MEI1: variants seen among roughly 807,000 people sequenced by gnomAD.
The protein encoded by MEI1 is meiotic double-stranded break formation protein 1, also known as meiosis inhibitor protein 1.
Under a neutral mutation model 146.2 loss-of-function variants are expected in MEI1, and 103 were observed. The observed-to-expected ratio is 0.70, with a 90% CI of 0.60 to 0.83. The LOEUF is 0.83. MEI1 is among the 40% of genes least tolerant of loss of function. The pLI is 0.00. For missense variants in MEI1, 1,529 were observed against 1,533.0 expected (o/e 1.00, Z 0.04); for synonymous variants, 652 against 628.2 (o/e 1.04, Z -0.57).
At position 41,745,074 on chromosome 22, in the gene MEI1, C is replaced by A; in HGVS notation, c.1538+10C>A. On this transcript the variant is annotated intron_variant, in intron 13 of 30. Coordinates refer to ENST00000401548, the MANE Select transcript of MEI1 (RefSeq NM_152513.4). ...TTAGAAGTGCCTGCAGGTGAGGGGC[C>A]CTCTGAGGTATGAAGTAATAGCATG... 6.6e-7 allele frequency: 1 copy of A among 1,520,768 alleles called. No individual in the cohort carries two copies. Among genetic ancestry groups the A allele is most frequent in the Non-Finnish European group, 8.8e-7 (1 of 1,130,210 alleles). 94.2% of individuals were successfully genotyped at this position (1,520,768 alleles called of 1,614,324 possible).
chr22:41,726,437 AAAC>A (rs1351093297), intron 7 of MEI1, among the ~76,000 whole-genome samples: 4 of 152,216 alleles, frequency 2.6e-5, no homozygotes, highest in East Asian at 1.9e-4. Flanking sequence ...ATATGTACTT[AAAC>A]AACAACAGGG....
chr22:41,725,882 G>A lies in MEI1; in HGVS notation c.864+1809G>A, dbSNP rs143518365. On this transcript the variant is annotated intron_variant, in intron 7 of 30. Transcript: ENST00000401548. Reference sequence around the variant, plus strand: ...GGCATCTTTCCCCAGTGCTCGGCACGGGGGCTGGCAGAGCTGCAAACCCTG... The same window carrying A: ...GGCATCTTTCCCCAGTGCTCGGCACAGGGGCTGGCAGAGCTGCAAACCCTG... Among the ~76,000 whole-genome samples the A allele has an allele frequency of 8.0e-4, 122 of 152,304 alleles. 1 individual carries two copies. Among genetic ancestry groups the A allele is most frequent in the African/African-American group, 2.9e-3 (119 of 41,572 alleles).
At chr22:41,737,085 C>T (rs2072439087) in intron 11 of MEI1, among the ~76,000 whole-genome samples, 2 of 152,276 alleles carry the variant, frequency 1.3e-5, no homozygotes, top group South Asian at 4.1e-4. Flanking sequence ...TTATTCCTGC[C>T]ACTAATTATT....
chr22:41,798,244 C>T (rs1200066091), intron 30 of MEI1, among the ~76,000 whole-genome samples: 2 of 151,834 alleles, frequency 1.3e-5, no homozygotes, highest in African/African-American at 4.8e-5. Context: ...CACACACACA[C>T]ACAATGTGTG....
At chr22:41,732,393 G>A in intron 10 of MEI1, 49 bp downstream of exon 10, 1 of 1,613,534 alleles carries the variant, frequency 6.2e-7, no homozygotes, top group East Asian at 2.2e-5. Flanking sequence ...GACTGCAGAA[G>A]GAAAAGTGGG....
intron 19 of MEI1, among the ~76,000 whole-genome samples, chr22:41,765,068 C>A (rs948656149): frequency 2.0e-5 from 3 of 152,114 alleles, no homozygotes; most frequent in Non-Finnish European, 4.4e-5. Flanking sequence ...GCAATGGCGC[C>A]ATCTTGGCTC....
At chr22:41,736,513 A>G (rs2147657011) in intron 11 of MEI1, among the ~76,000 whole-genome samples, 1 of 152,178 alleles carries the variant, frequency 6.6e-6, no homozygotes, top group South Asian at 2.1e-4. Flanking sequence ...TCTGCCTCTC[A>G]AAGGGCTGGG....
At chr22:41,765,049 G>C (rs2074751594) in intron 19 of MEI1, among the ~76,000 whole-genome samples, 1 of 152,144 alleles carries the variant, frequency 6.6e-6, no homozygotes, top group Admixed American at 6.5e-5. Flanking sequence ...TTGTTTCCCA[G>C]GCTGGAGTGC....
chr22:41,758,940 C>T (rs1012832104), intron 18 of MEI1, among the ~76,000 whole-genome samples: 8 of 151,606 alleles, frequency 5.3e-5, no homozygotes, highest in Non-Finnish European at 8.8e-5. Context: ...GTCAGGAGTT[C>T]GAGACCAGCC....
intron 9 of MEI1, among the ~76,000 whole-genome samples, chr22:41,731,402 G>T (rs1158155399): frequency 6.6e-6 from 1 of 150,756 alleles, no homozygotes; most frequent in Non-Finnish European, 1.5e-5. Context: ...AGGCTGGAGT[G>T]CAATGGCACA....
intron 14 of MEI1, among the ~76,000 whole-genome samples, chr22:41,746,614 A>AGCAG (rs992553858): frequency 1.3e-5 from 2 of 152,188 alleles, no homozygotes; most frequent in African/African-American, 4.8e-5. Flanking sequence ...TGGTGGGAAG[A>AGCAG]GCAGGGCCAA....
chr22:41,743,158 G>T lies in MEI1; in HGVS notation c.1410G>T (p.Ala470=). 6.2e-7 allele frequency: 1 copy of T among 1,613,208 alleles called. No homozygotes were observed. Among genetic ancestry groups the T allele is most frequent in the South Asian group, 1.1e-5 (1 of 91,016 alleles). ...TAGAAGCCATGCTAAACCGATGTGC[G>T]GAGTTTTCCCAGACCTTGCTGAGCA... The part of the protein sequence containing the change: ...ALLEAMLNRC[A]EFSQTLLSRR... The change falls in exon 12 of 31, where the codon GCG becomes GCT. Residue 470 remains alanine, a synonymous_variant. Transcript: ENST00000401548.
At chr22:41,756,584 C>T (rs1169827175) in intron 17 of MEI1, among the ~76,000 whole-genome samples, 1 of 152,118 alleles carries the variant, frequency 6.6e-6, no homozygotes, top group Non-Finnish European at 1.5e-5. Flanking sequence ...AGCAATTCTC[C>T]TGCGTCAGCT....
intron 11 of MEI1, among the ~76,000 whole-genome samples, chr22:41,737,300 G>T (rs541348803): frequency 6.6e-6 from 1 of 151,478 alleles, no homozygotes; most frequent in South Asian, 2.1e-4. Context: ...GCAGTGGCGC[G>T]ATCTCGGCTC....
At chr22:41,713,581 T>C (rs2069810009) in intron 3 of MEI1, among the ~76,000 whole-genome samples, 1 of 152,184 alleles carries the variant, frequency 6.6e-6, no homozygotes, top group Non-Finnish European at 1.5e-5. Flanking sequence ...GAGTTTTTGC[T>C]CTCGTTGCCC....
chr22:41,747,652 C>T (rs1342265640), intron 14 of MEI1, among the ~76,000 whole-genome samples: 3 of 151,848 alleles, frequency 2.0e-5, no homozygotes, highest in East Asian at 3.9e-4. Context: ...TTCAATGAGC[C>T]GAGATCGCAC....
chr22:41,716,145 T>G lies in MEI1; in HGVS notation c.528T>G (p.His176Gln). The G allele has an allele frequency of 6.2e-7, 1 of 1,602,332 alleles. No homozygotes were observed. Among genetic ancestry groups the G allele is most frequent in the Non-Finnish European group, 8.5e-7 (1 of 1,173,630 alleles). ...TGGCAGACGAGCTTGTAATGGAGCATGGTGAGTGACCTGTGGGAGGAGCTG... is the reference window on the plus strand; with the variant it reads ...TGGCAGACGAGCTTGTAATGGAGCAGGGTGAGTGACCTGTGGGAGGAGCTG... ...PALADELVME[H>Q]GNLMEHLLRG... Residue 176 changes from histidine (H) to glutamine (Q), a missense_variant and splice_region_variant, in exon 5 of 31, where the codon CAT (histidine) becomes CAG (glutamine). Around this residue, in one of 3 missense-constraint regions of MEI1, gnomAD observed 1,212 missense variants for 1,178.9 expected, o/e 1.03. Transcript: ENST00000401548.
At chr22:41,776,694 A>T (rs1274034033) in intron 21 of MEI1, among the ~76,000 whole-genome samples, 1 of 152,174 alleles carries the variant, frequency 6.6e-6, no homozygotes, top group Non-Finnish European at 1.5e-5. Flanking sequence ...TTAGTTTCCA[A>T]ATCTGGAATG....
rs185744318 is a variant in MEI1, at chr22:41,714,907, A to G, written c.423+832A>G. 4.1e-3 allele frequency among the ~76,000 whole-genome samples: 621 copies of G among 152,158 alleles called. 17 individuals carry two copies. Among genetic ancestry groups the G allele is most frequent in the Non-Finnish European group, 1.2e-3 (79 of 68,002 alleles). ...AAAAAAAAAATATCAGTTAAAGAGC[A>G]GCTTTTGTGTTGTATTTAAGACTGA... is the stretch of plus-strand genomic sequence containing the variant. On this transcript the variant is annotated intron_variant, in intron 4 of 30. Coordinates refer to ENST00000401548, the MANE Select transcript of MEI1 (RefSeq NM_152513.4).
Sources: gnomAD v4.1 joint callset for allele counts (sites outside exome capture counted in the v4.1 genomes callset) on GRCh38, gnomAD v4.1.1 for gene constraint, gnomAD v4.1.1 regional missense constraint, MANE v1.5 for transcripts, NCBI Gene and HGNC (gene_info 2026-07-23, HGNC 2026-07-21) for gene names.